Variants in ENTPD7 observed in about 807,000 individuals in gnomAD.
The protein encoded by ENTPD7 is ectonucleoside triphosphate diphosphohydrolase 7, also known as NTPDase 7.
ENTPD7 carries 53 observed loss-of-function variants against 77.9 expected under a neutral mutation model. The observed-to-expected ratio is 0.68, with a 90% CI of 0.55 to 0.85. The LOEUF (loss-of-function observed/expected upper bound fraction) is 0.85. Ranked by LOEUF, ENTPD7 falls within the 40% of genes least tolerant of loss-of-function variation. The pLI is 0.00. For synonymous variants in ENTPD7, 248 were observed against 274.9 expected (o/e 0.90, Z 0.97); for missense variants, 636 against 743.7 (o/e 0.86, Z 1.68).
chr10:99,672,907 A>G (rs2035633754), intron 3 of ENTPD7, among the ~76,000 whole-genome samples: 1 of 152,206 alleles, frequency 6.6e-6, no homozygotes, highest in Non-Finnish European at 1.5e-5. Flanking sequence ...CTAAAGTGGT[A>G]TAATTAGTTT....
intron 2 of ENTPD7, among the ~76,000 whole-genome samples, chr10:99,661,007 A>G (rs764453523): frequency 6.6e-6 from 1 of 152,120 alleles, no homozygotes; most frequent in Non-Finnish European, 1.5e-5. Context: ...ACTTTTCACT[A>G]TACAATATAT....
intron 11 of ENTPD7, 47 bp from the exon 12 acceptor site, chr10:99,702,465 A>C (rs946745532): frequency 3.4e-6 from 5 of 1,458,084 alleles, no homozygotes; most frequent in East Asian, 5.0e-5. Context: ...GGAAAGTATT[A>C]GAATTCTTTT....
At chr10:99,664,338 A>G (rs1418375274) in intron 3 of ENTPD7, among the ~76,000 whole-genome samples, 5 of 152,024 alleles carry the variant, frequency 3.3e-5, no homozygotes, top group Admixed American at 6.5e-5. Flanking sequence ...ATAGCTCACT[A>G]TAACCTTCAA....
chr10:99,687,978 A>G (rs2035835285), intron 6 of ENTPD7, among the ~76,000 whole-genome samples: 1 of 152,218 alleles, frequency 6.6e-6, no homozygotes, highest in South Asian at 2.1e-4. Flanking sequence ...TGGTCAGAGA[A>G]AAGAATTCAA....
At chr10:99,694,997 G>T (rs2035947875) in intron 8 of ENTPD7, among the ~76,000 whole-genome samples, 1 of 152,108 alleles carries the variant, frequency 6.6e-6, no homozygotes, top group African/African-American at 2.4e-5. Flanking sequence ...GTTGCCCATG[G>T]CAGAGAATGG....
intron 5 of ENTPD7, among the ~76,000 whole-genome samples, chr10:99,682,219 C>T (rs1187708926): frequency 2.8e-5 from 4 of 142,740 alleles, no homozygotes; most frequent in South Asian, 2.2e-4. Context: ...TTTTTTACAA[C>T]GTTTAAATTT....
intron 10 of ENTPD7, among the ~76,000 whole-genome samples, chr10:99,700,055 G>C: frequency 6.6e-6 from 1 of 152,102 alleles, no homozygotes; most frequent in Non-Finnish European, 1.5e-5. Flanking sequence ...GTTTGTATTT[G>C]CTCCTTTCTC....
chr10:99,673,040 A>G (rs893628247), intron 3 of ENTPD7, among the ~76,000 whole-genome samples: 6 of 152,204 alleles, frequency 3.9e-5, no homozygotes, highest in African/African-American at 1.4e-4. Flanking sequence ...ATTTGTGGGT[A>G]ACTTTCTTTT....
At chr10:99,695,906 G>T (rs747121848) in intron 8 of ENTPD7, 50 bp from the exon 9 acceptor site, 1 of 1,561,550 alleles carries the variant, frequency 6.4e-7, no homozygotes, top group South Asian at 1.2e-5. Flanking sequence ...TAGCTTTCTA[G>T]AAGGCAACCA....
chr10:99,675,090 G>T (rs2035664249), intron 3 of ENTPD7, among the ~76,000 whole-genome samples: 2 of 152,178 alleles, frequency 1.3e-5, no homozygotes, highest in African/African-American at 4.8e-5. Context: ...AAGAATGACT[G>T]CCAGAAAAAC....
rs758430838 is a variant in ENTPD7, at chr10:99,700,393, CGTGTGTGTGTGTGTGTGTGTAT to C, written c.1336-559_1336-538del. Among the ~76,000 whole-genome samples, 223 of 103,128 alleles carry C rather than the reference CGTGTGTGTGTGTGTGTGTGTAT, an allele frequency of 2.2e-3. 3 individuals carry two copies. The highest frequency in any genetic ancestry group is 0.02 in the South Asian group (61 of 3,000). 67.7% of individuals were successfully genotyped at this position (103,128 alleles called of 152,430 possible). A position where few individuals can be genotyped will look rare whatever the true frequency, so the allele number is the denominator to read the frequency against. ...TGAGCATTTATGTTATCCAACGTAC[CGTGTGTGTGTGTGTGTGTGTAT>C]GTGTGTGTGTGTGTGTGTGTGTGTG... On this transcript the variant is annotated intron_variant, in intron 10 of 12. Coordinates refer to ENST00000370489, the MANE Select transcript of ENTPD7 (RefSeq NM_020354.5).
At position 99,659,833 on chromosome 10, in the gene ENTPD7, G is replaced by T. The variant is rs1193760310; in HGVS notation, c.-95-29G>T. 16 of 1,409,396 alleles carry T rather than the reference G, an allele frequency of 1.1e-5. No homozygotes were observed. The highest frequency in any genetic ancestry group is 1.5e-5 in the Non-Finnish European group (15 of 1,018,492). 87.3% of individuals were successfully genotyped at this position (1,409,396 alleles called of 1,614,324 possible). On this transcript the variant is annotated intron_variant, in intron 1 of 12. Coordinates refer to ENST00000370489, the MANE Select transcript of ENTPD7 (RefSeq NM_020354.5). This position sits in a 1 kb window ranked among gnomAD's most constrained non-coding sequence, Gnocchi z 4.1. ...CAGGTTTGTCTCGTGGGCTCAGTCG[G>T]ACAGAAGCCTGAAATCAAATCTTTC...
intron 8 of ENTPD7, among the ~76,000 whole-genome samples, chr10:99,692,118 C>G (rs1340197414): frequency 6.6e-6 from 1 of 152,110 alleles, no homozygotes; most frequent in African/African-American, 2.4e-5. Context: ...TTACACTGTC[C>G]CTAAAAACTT....
At chr10:99,700,708 G>A (rs189421030) in intron 10 of ENTPD7, among the ~76,000 whole-genome samples, 39 of 152,284 alleles carry the variant, frequency 2.6e-4, no homozygotes, top group African/African-American at 7.5e-4. Context: ...GTCTTTTGAC[G>A]TTGCTATTTG....
At position 99,659,981 on chromosome 10, in the gene ENTPD7, T is replaced by A; in HGVS notation, c.8+17T>A. ...CATGGCTAGGTAAGGCTGCACACTT[T>A]CCCTCCGGCTGGGAGCACGGCAGAG... On this transcript the variant is annotated intron_variant, in intron 2 of 12. Coordinates refer to ENST00000370489, the MANE Select transcript of ENTPD7 (RefSeq NM_020354.5). This position sits in a 1 kb window ranked among gnomAD's most constrained non-coding sequence, Gnocchi z 4.1. 3.1e-6 allele frequency: 5 copies of A among 1,613,774 alleles called. No homozygotes were observed. Among genetic ancestry groups the A allele is most frequent in the Non-Finnish European group, 4.2e-6 (5 of 1,179,918 alleles).
chr10:99,667,748 T>G (rs1344043110), intron 3 of ENTPD7, among the ~76,000 whole-genome samples: 1 of 152,166 alleles, frequency 6.6e-6, no homozygotes, highest in East Asian at 1.9e-4. Context: ...GGGCACATTA[T>G]GACAATAATC....
intron 9 of ENTPD7, among the ~76,000 whole-genome samples, chr10:99,697,116 G>A (rs1043172396): frequency 4.6e-5 from 7 of 152,198 alleles, no homozygotes; most frequent in African/African-American, 1.7e-4. Flanking sequence ...GCATGTTGAA[G>A]AAAATATTGT....
At chr10:99,699,518 G>A (rs1029339808) in intron 10 of ENTPD7, among the ~76,000 whole-genome samples, 20 of 152,222 alleles carry the variant, frequency 1.3e-4, no homozygotes, top group East Asian at 5.8e-4. Flanking sequence ...GAATTGTTGC[G>A]TGTCTCTATC....
In ENTPD7 at chr10:99,709,329, G is replaced by A. The variant is rs2036313624; in HGVS notation, c.*4646G>A. ...ATTGTCCTTTTTGCTGTGGTATGTG[G>A]TGTAATGTTGATTGGGAATAAGAAT... On this transcript the variant is annotated 3_prime_UTR_variant, in exon 13 of 13. Coordinates refer to ENST00000370489, the MANE Select transcript of ENTPD7 (RefSeq NM_020354.5). The A allele has an allele frequency of 2.0e-6, 2 of 985,216 alleles. No individual in the cohort carries two copies. Among genetic ancestry groups the A allele is most frequent in the South Asian group, 9.4e-5 (2 of 21,290 alleles). 61.0% of individuals were successfully genotyped at this position (985,216 alleles called of 1,614,324 possible).
Sources: gnomAD v4.1 joint callset for allele counts (sites outside exome capture counted in the v4.1 genomes callset) on GRCh38, gnomAD v4.1.1 for gene constraint, Gnocchi (gnomAD v3.1) non-coding constraint, MANE v1.5 for transcripts, NCBI Gene and HGNC (gene_info 2026-07-23, HGNC 2026-07-21) for gene names.